Variants in LRRK2 observed in about 807,000 individuals in gnomAD.
LRRK2 encodes the protein leucine rich repeat kinase 2.
A neutral mutation model predicts 302.6 loss-of-function variants in LRRK2; 203 were observed. The observed-to-expected ratio is 0.67, with a 90% CI of 0.60 to 0.75. The LOEUF is 0.75. LRRK2 is among the 30% of genes least tolerant of loss of function. The probability of loss-of-function intolerance (pLI) is 0.00; values close to 1 mark genes in which losing one functional copy is unlikely to be tolerated. For missense variants in LRRK2, 2,830 were observed against 2,951.0 expected, an observed-to-expected ratio of 0.96 and a Z score of 0.95; for synonymous variants, 1,066 against 1,031.9, an observed-to-expected ratio of 1.03 and a Z score of -0.63.
chr12:40,317,344 G>A (rs1039573337), intron 33 of LRRK2, among the ~76,000 whole-genome samples: 6 of 151,942 alleles, frequency 3.9e-5, no homozygotes, highest in African/African-American at 1.4e-4. Flanking sequence ...TTATCACTAA[G>A]GTTTAAAGGA....
chr12:40,332,210 G>T (rs953455656), intron 39 of LRRK2, among the ~76,000 whole-genome samples: 27 of 152,162 alleles, frequency 1.8e-4, no homozygotes, highest in African/African-American at 6.5e-4. Flanking sequence ...TTTCTGAGAG[G>T]CTGATGTTGG....
chr12:40,237,966 T>G lies in LRRK2; in HGVS notation c.437-3T>G. The G allele has an allele frequency of 6.2e-7, 1 of 1,610,012 alleles. No homozygotes were observed. Among genetic ancestry groups the G allele is most frequent in the Middle Eastern group, 1.7e-4 (1 of 6,042 alleles). ...TCAGAGCATATTATTCTCTTTAAAATAGGTAAAATCACCTTGCTGATATTG... is the reference window on the plus strand; with the variant it reads ...TCAGAGCATATTATTCTCTTTAAAAGAGGTAAAATCACCTTGCTGATATTG... On this transcript the variant is annotated splice_polypyrimidine_tract_variant and splice_region_variant and intron_variant, in intron 4 of 50. Transcript: ENST00000298910.
chr12:40,348,445 T>G lies in LRRK2; in HGVS notation c.6317T>G (p.Met2106Arg), dbSNP rs752415841. The G allele has an allele frequency of 6.2e-7, 1 of 1,612,766 alleles. No individual in the cohort carries two copies. Among genetic ancestry groups the G allele is most frequent in the Non-Finnish European group, 8.5e-7 (1 of 1,179,000 alleles). ...GAATATGGTTGTGCCCCATGGCCTA[T>G]GGTTGAGAAATTAATTAAACAGTGT... ...VKEYGCAPWPMVEKLIKQCLK... is the reference protein window; with the variant it reads ...VKEYGCAPWPRVEKLIKQCLK... The change falls in exon 43 of 51, where the codon ATG becomes AGG. Residue 2106 changes from methionine to arginine, a missense_variant. By Grantham distance (91) the Met-to-Arg change is moderately conservative. Around this residue, in one of 3 missense-constraint regions of LRRK2, gnomAD observed 253 missense variants for 346.7 expected, o/e 0.73. Transcript: ENST00000298910.
At chr12:40,277,314 T>C (rs182051869) in intron 16 of LRRK2, among the ~76,000 whole-genome samples, 1 of 152,298 alleles carries the variant, frequency 6.6e-6, no homozygotes, top group Non-Finnish European at 1.5e-5. Flanking sequence ...GTGTTCTTTA[T>C]AAATAACTTA....
At chr12:40,334,048 G>A (rs1945795095) in intron 39 of LRRK2, among the ~76,000 whole-genome samples, 1 of 152,058 alleles carries the variant, frequency 6.6e-6, no homozygotes, top group African/African-American at 2.4e-5. Flanking sequence ...TTTTCAGGAG[G>A]GGATGATATG....
chr12:40,284,261 A>ATTT, intron 19 of LRRK2, 128 bp downstream of exon 19: 2 of 522,168 alleles, frequency 3.8e-6, no homozygotes, highest in Non-Finnish European at 6.1e-6. Flanking sequence ...AAAGGTTTGG[A>ATTT]TTTTTTTTTT....
At chr12:40,268,057 C>G (rs1195057423) in intron 14 of LRRK2, among the ~76,000 whole-genome samples, 1 of 152,112 alleles carries the variant, frequency 6.6e-6, no homozygotes. Context: ...AAAATTCAAG[C>G]TGAAGTTAAA....
rs571577212 is a variant in LRRK2 at position 40,240,985 on chromosome 12, A to G, written c.706+368A>G. 7.9e-5 allele frequency among the ~76,000 whole-genome samples: 12 copies of G among 152,340 alleles called. No individual in the cohort carries two copies. In the East Asian group the frequency reaches 1.9e-3, roughly 24 times the overall value. ...GGCAGTGTCTCTTAGCAAAGATTTA[A>G]TAAGTGGAGCTTCCTGTGCATGAAG... is the stretch of plus-strand genomic sequence containing the variant. On this transcript the variant is annotated intron_variant, in intron 6 of 50. Coordinates refer to ENST00000298910, the MANE Select transcript of LRRK2 (RefSeq NM_198578.4).
rs199777744 is a variant in LRRK2 at position 40,314,050 on chromosome 12, A to G, written c.4615A>G (p.Lys1539Glu). The stretch of plus-strand genomic sequence containing the variant: ...TGAAAAAATCATTTTATCGGAGCGT[A>G]AAAATGTGCCAATTGAATTTCCCGT... Reference protein sequence around the residue: ...ELEKIILSERKNVPIEFPVID... With the variant: ...ELEKIILSERENVPIEFPVID... Residue 1539 changes from lysine (K) to glutamate (E), a missense_variant, in exon 32 of 51, where the codon AAA becomes GAA. By Grantham distance (56) the Lys-to-Glu change is moderately conservative. Around this residue, in one of 3 missense-constraint regions of LRRK2, gnomAD observed 2,121 missense variants for 2,148.0 expected, o/e 0.99. Transcript: ENST00000298910. The G allele has an allele frequency of 5.6e-6, 9 of 1,612,362 alleles. No individual in the cohort carries two copies. Among genetic ancestry groups the G allele is most frequent in the Middle Eastern group, 1.6e-4 (1 of 6,072 alleles).
intron 20 of LRRK2, 106 bp downstream of exon 20, chr12:40,287,645 G>A (rs1592227125): frequency 1.8e-6 from 2 of 1,115,244 alleles, no homozygotes; most frequent in Non-Finnish European, 2.6e-6. Context: ...AAAAACTTGA[G>A]TAGAAATGTG....
chr12:40,250,596 A>G (rs558512482), intron 8 of LRRK2, among the ~76,000 whole-genome samples: 1 of 152,302 alleles, frequency 6.6e-6, no homozygotes, highest in Admixed American at 6.5e-5. Flanking sequence ...ATACCTATTA[A>G]CCCATCACCT....
rs41286466 is a variant in LRRK2, at chr12:40,249,923, G to A, written c.936G>A (p.Ala312=). Residue 312 remains alanine, a synonymous_variant, in exon 8 of 51, where the codon GCG becomes GCA. Transcript: ENST00000298910. ...AGAATGCAGCATTGCAGATCTCAGC[G>A]CTCAGCTGTTTGGCCCTCCTCAGTA... ...YPENAALQIS[A]LSCLALLTET... 20 of 1,613,710 alleles carry A rather than the reference G, an allele frequency of 1.2e-5. No homozygotes were observed. Among genetic ancestry groups the A allele is most frequent in the East Asian group, 8.9e-5 (4 of 44,854 alleles).
rs200310612 is a variant in LRRK2 at position 40,314,013 on chromosome 12, C to T, written c.4578C>T (p.Cys1526=). 6.2e-7 allele frequency: 1 copy of T among 1,612,078 alleles called. No individual in the cohort carries two copies. ...QLVVGQLIPD[C]YVELEKIILS... is the part of the protein sequence containing the mutation. ...TTGTTGGACAGCTGATTCCAGACTG[C>T]TATGTAGAACTTGAAAAAATCATTT... is the stretch of plus-strand genomic sequence containing the variant. The change falls in exon 32 of 51, where the codon TGC becomes TGT. Residue 1526 remains cysteine (C), a synonymous_variant. Coordinates refer to ENST00000298910, the MANE Select transcript of LRRK2 (RefSeq NM_198578.4).
chr12:40,290,084 A>C (rs951516803), intron 20 of LRRK2, among the ~76,000 whole-genome samples: 1 of 151,986 alleles, frequency 6.6e-6, no homozygotes, highest in Non-Finnish European at 1.5e-5. Flanking sequence ...GATGCCCTTC[A>C]TCAAATTGAA....
At position 40,322,485 on chromosome 12, in the gene LRRK2, T is replaced by C. The variant is rs199668099; in HGVS notation, c.5484T>C (p.Asp1828=). The change falls in exon 37 of 51, where the codon GAT becomes GAC. Residue 1828 remains aspartate (D), a synonymous_variant. Transcript: ENST00000298910. ...DGEEHQKILL[D]DLMKKAEEGD... ...AAGAACATCAAAAAATCTTACTTGA[T>C]GACTTGATGAAGAAAGCAGAGGAAG... 3 of 1,612,518 alleles carry C rather than the reference T, an allele frequency of 1.9e-6. No individual in the cohort carries two copies. The highest frequency in any genetic ancestry group is 1.7e-6 in the Non-Finnish European group (2 of 1,178,848).
chr12:40,250,815 G>A (rs1592162032), intron 8 of LRRK2, among the ~76,000 whole-genome samples: 1 of 152,098 alleles, frequency 6.6e-6, no homozygotes, highest in East Asian at 1.9e-4. Flanking sequence ...AGCTCCATCC[G>A]TGTCCCTGCA....
At position 40,349,237 on chromosome 12, in the gene LRRK2, G is replaced by A. The variant is rs367587469; in HGVS notation, c.6381+728G>A. The stretch of plus-strand genomic sequence containing the variant: ...TATTAAAGATAATGTGCATATCCAC[G>A]TGTACACTGTCTTCCACTGATCAAC... On this transcript the variant is annotated intron_variant, in intron 43 of 50. Coordinates refer to ENST00000298910, the MANE Select transcript of LRRK2 (RefSeq NM_198578.4). Among the ~76,000 whole-genome samples, 10 of 152,138 alleles carry A rather than the reference G, an allele frequency of 6.6e-5. No individual in the cohort carries two copies. In the East Asian group the frequency reaches 7.7e-4, roughly 12 times the overall value.
At chr12:40,358,822 A>G (rs1350681049) in intron 46 of LRRK2, among the ~76,000 whole-genome samples, 1 of 152,122 alleles carries the variant, frequency 6.6e-6, no homozygotes, top group African/African-American at 2.4e-5. Context: ...TAGTATGGTC[A>G]TTTTAACAAT....
intron 47 of LRRK2, 92 bp from the exon 48 acceptor site, chr12:40,363,310 T>C: frequency 1.6e-6 from 1 of 623,350 alleles, no homozygotes; most frequent in East Asian, 3.7e-5. Flanking sequence ...AATAGTGTTT[T>C]TACATTAAGA....
Sources: allele counts gnomAD v4.1 joint callset (sites outside exome capture counted in the v4.1 genomes callset), GRCh38; gene constraint gnomAD v4.1.1; regional missense constraint gnomAD v4.1.1; transcripts MANE v1.5; gene names NCBI Gene and HGNC (gene_info 2026-07-23, HGNC 2026-07-21).